Variants in ACVR1C observed in about 807,000 individuals in gnomAD.
ACVR1C encodes the protein activin receptor type-1C.
In ACVR1C, 23 loss-of-function variants were observed where a neutral mutation model predicts 57.9. The ratio of observed to expected loss-of-function variants is 0.40; its 90% CI spans 0.29 to 0.56. The LOEUF is 0.56. ACVR1C is among the 20% of genes least tolerant of loss of function. The pLI is 0.50. For missense variants in ACVR1C, 480 were observed against 607.9 expected (o/e 0.79, Z 2.21); for synonymous variants, 214 against 215.3 (o/e 0.99, Z 0.05).
rs1167275487 is a variant in ACVR1C at position 157,538,636 on chromosome 2, C to T, written c.1293G>A (p.Met431Ile). The T allele has an allele frequency of 6.3e-7, 1 of 1,586,650 alleles. No individual in the cohort carries two copies. Among genetic ancestry groups the T allele is most frequent in the South Asian group, 1.2e-5 (1 of 85,032 alleles). Residue 431 changes from methionine (M) to isoleucine (I), a missense_variant, in exon 8 of 9, where the codon ATG becomes ATA. Transcript: ENST00000243349. ...MVPSDPSIEE[M>I]RKVVCDQKFR... ...ACTTCTGGTCACAAACAACCTTTCT[C>T]ATTTCCTCTATCGAGGGATCTGAAG...
chr2:157,551,474 A>G (rs555353440), intron 3 of ACVR1C, among the ~76,000 whole-genome samples: 2 of 152,334 alleles, frequency 1.3e-5, no homozygotes, highest in East Asian at 3.9e-4. Context: ...TTAAATAAAA[A>G]CAGCATAGTA....
chr2:157,534,457 T>C (rs1036630379), intron 8 of ACVR1C, among the ~76,000 whole-genome samples: 10 of 152,138 alleles, frequency 6.6e-5, no homozygotes, highest in Non-Finnish European at 1.3e-4. Flanking sequence ...TCCACTGATT[T>C]CTGGGAATAT....
At chr2:157,621,201 T>C (rs1682763157) in intron 1 of ACVR1C, among the ~76,000 whole-genome samples, 1 of 152,154 alleles carries the variant, frequency 6.6e-6, no homozygotes, top group Non-Finnish European at 1.5e-5. Flanking sequence ...TTTGCATGCC[T>C]ACTGTCTAAA....
At chr2:157,563,477 G>A (rs189126804) in intron 2 of ACVR1C, among the ~76,000 whole-genome samples, 6 of 152,190 alleles carry the variant, frequency 3.9e-5, no homozygotes, top group African/African-American at 9.6e-5. Flanking sequence ...GGACACAAAC[G>A]AATGTAAAAA....
chr2:157,544,680 TA>T (rs1687707336), intron 4 of ACVR1C, 68 bp from the exon 5 acceptor site: 2 of 1,357,650 alleles, frequency 1.5e-6, no homozygotes, highest in Middle Eastern at 1.9e-4. Context: ...CTTTTAAAAA[TA>T]TCAGTGTTTA....
intron 8 of ACVR1C, among the ~76,000 whole-genome samples, chr2:157,534,267 A>G (rs1158795389): frequency 6.6e-6 from 1 of 152,046 alleles, no homozygotes; most frequent in Non-Finnish European, 1.5e-5. Flanking sequence ...ATTCCTGCTT[A>G]ATCTTCCAAG....
chr2:157,566,391 T>C lies in ACVR1C; in HGVS notation c.305-10059A>G, dbSNP rs563245218. On this transcript the variant is annotated intron_variant, in intron 2 of 8. Transcript: ENST00000243349. ...GCCGAATAGGAACAGCTCCGGTCTA[T>C]AGCTCCCAGCGTGAGCGACGCAGAA... Among the ~76,000 whole-genome samples, 17 of 152,348 alleles carry C rather than the reference T, an allele frequency of 1.1e-4. No homozygotes were observed. In the South Asian group the frequency reaches 1.7e-3, roughly 15 times the overall value.
intron 1 of ACVR1C, among the ~76,000 whole-genome samples, chr2:157,611,438 C>T (rs992037867): frequency 6.6e-6 from 1 of 151,876 alleles, no homozygotes; most frequent in Non-Finnish European, 1.5e-5. Flanking sequence ...GCATGCCTGT[C>T]GTTAGAGCCC....
chr2:157,580,100 C>A (rs576785469), intron 2 of ACVR1C, among the ~76,000 whole-genome samples: 1 of 151,902 alleles, frequency 6.6e-6, no homozygotes, highest in Admixed American at 6.6e-5. Flanking sequence ...CACGCGCGCA[C>A]GCACACACGT....
intron 1 of ACVR1C, among the ~76,000 whole-genome samples, chr2:157,592,187 TAAAC>T (rs1030567448): frequency 1.3e-5 from 2 of 152,014 alleles, no homozygotes; most frequent in African/African-American, 4.8e-5. Flanking sequence ...GCATCTAAAA[TAAAC>T]AATCTCACCT....
At chr2:157,565,010 G>A (rs969043379) in intron 2 of ACVR1C, among the ~76,000 whole-genome samples, 5 of 151,956 alleles carry the variant, frequency 3.3e-5, no homozygotes, top group South Asian at 4.2e-4. Flanking sequence ...CAATGCATGC[G>A]GGGCTTAAAA....
chr2:157,540,519 A>C (rs1279376221), intron 7 of ACVR1C, among the ~76,000 whole-genome samples: 1 of 151,812 alleles, frequency 6.6e-6, no homozygotes, highest in African/African-American at 2.4e-5. Flanking sequence ...CTGGTCTCGA[A>C]CTCCCGACCT....
intron 1 of ACVR1C, among the ~76,000 whole-genome samples, chr2:157,616,988 G>A (rs1243787625): frequency 1.3e-5 from 2 of 151,964 alleles, no homozygotes; most frequent in Non-Finnish European, 2.9e-5. Flanking sequence ...ATTGTTAATG[G>A]ACTAAACATC....
chr2:157,536,272 C>T (rs1405000738), intron 8 of ACVR1C, among the ~76,000 whole-genome samples: 2 of 152,108 alleles, frequency 1.3e-5, no homozygotes, highest in African/African-American at 4.8e-5. Context: ...TCCAAATTTT[C>T]CAGAACTGAG....
At chr2:157,554,201 G>GAGAGAGAGAGAGAGAGAGAAAGAAAGAA (rs1553481316) in intron 3 of ACVR1C, among the ~76,000 whole-genome samples, 1 of 41,440 alleles carries the variant, frequency 2.4e-5, no homozygotes, top group African/African-American at 1.4e-4. Flanking sequence ...ATAAAGAAGA[G>GAGAGAGAGAGAGAGAGAGAAAGAAAGAA]AGAAAGAAAG....
chr2:157,625,117 T>C (rs1682868774), intron 1 of ACVR1C, among the ~76,000 whole-genome samples: 1 of 152,112 alleles, frequency 6.6e-6, no homozygotes, highest in South Asian at 2.1e-4. Flanking sequence ...AGAAAACCAA[T>C]TGCTTACTTA....
intron 2 of ACVR1C, among the ~76,000 whole-genome samples, chr2:157,580,750 C>T (rs1688771465): frequency 6.6e-6 from 1 of 151,974 alleles, no homozygotes; most frequent in Non-Finnish European, 1.5e-5. Context: ...TGGTGAAGTG[C>T]TCAGTTTACC....
At chr2:157,620,463 G>A (rs1011403412) in intron 1 of ACVR1C, among the ~76,000 whole-genome samples, 9 of 152,184 alleles carry the variant, frequency 5.9e-5, no homozygotes, top group Admixed American at 2.0e-4. Flanking sequence ...GTTGTGAGAT[G>A]TGATTACTTA....
intron 2 of ACVR1C, among the ~76,000 whole-genome samples, chr2:157,575,793 C>G (rs904049373): frequency 1.3e-5 from 2 of 152,112 alleles, no homozygotes; most frequent in African/African-American, 4.8e-5. Context: ...GTCATATTAA[C>G]TTTTGACTCA....
Sources: allele counts gnomAD v4.1 joint callset (sites outside exome capture counted in the v4.1 genomes callset), GRCh38; gene constraint gnomAD v4.1.1; transcripts MANE v1.5; gene names NCBI Gene and HGNC (gene_info 2026-07-23, HGNC 2026-07-21).